Variants in KIF13B observed in about 807,000 individuals in gnomAD.
KIF13B encodes kinesin-like protein KIF13B.
KIF13B carries 127 observed loss-of-function variants against 222.0 expected under a neutral mutation model. The observed-to-expected ratio is 0.57, with a 90% CI of 0.50 to 0.66. The LOEUF is 0.66. Ranked by LOEUF, KIF13B falls within the 30% of genes least tolerant of loss-of-function variation. The pLI, the probability that KIF13B is intolerant of heterozygous loss-of-function variation, is 0.00. For missense variants in KIF13B, 2,173 were observed against 2,379.0 expected, an observed-to-expected ratio of 0.91 and a Z score of 1.80; for synonymous variants, 976 against 919.0, an observed-to-expected ratio of 1.06 and a Z score of -1.12.
At chr8:29,082,829 T>C (rs1187844570) in intron 37 of KIF13B, among the ~76,000 whole-genome samples, 2 of 152,176 alleles carry the variant, frequency 1.3e-5, no homozygotes, top group Non-Finnish European at 2.9e-5. Context: ...CTGAAAACTT[T>C]AAAAATAGGG....
chr8:29,263,060 G>T lies in KIF13B; in HGVS notation c.-26C>A. The T allele has an allele frequency of 2.5e-6, 4 of 1,578,842 alleles. No homozygotes were observed. Among genetic ancestry groups the T allele is most frequent in the East Asian group, 2.4e-5 (1 of 42,200 alleles). On this transcript the variant is annotated 5_prime_UTR_variant, in exon 1 of 40. Transcript: ENST00000524189. Reference sequence around the variant, plus strand: ...CCTGCAGCCGCCGAGGAACTCGTTCGGCTTCCGTCTGCCGCGGCCACCGGC... The same window carrying T: ...CCTGCAGCCGCCGAGGAACTCGTTCTGCTTCCGTCTGCCGCGGCCACCGGC...
rs186792117 is a variant in KIF13B, at chr8:29,095,294, C to T, written c.4325-2416G>A. On this transcript the variant is annotated intron_variant, in intron 36 of 39. Coordinates refer to ENST00000524189, the MANE Select transcript of KIF13B (RefSeq NM_015254.4). ...GGAGGTGACAAATGATGGCTGAATT[C>T]TCAGCAGAAAAGAAGGAGCTGGAGA... Among the ~76,000 whole-genome samples the T allele has an allele frequency of 2.1e-3, 322 of 152,284 alleles. 2 individuals carry two copies. Among genetic ancestry groups the T allele is most frequent in the African/African-American group, 6.7e-3 (277 of 41,558 alleles).
At chr8:29,095,612 C>T (rs1563695253) in intron 36 of KIF13B, among the ~76,000 whole-genome samples, 2 of 151,954 alleles carry the variant, frequency 1.3e-5, no homozygotes, top group African/African-American at 4.8e-5. Context: ...ACTAAAAATA[C>T]AAAAATTGGC....
At chr8:29,098,170 C>CAAAAATAAAAAAAAAA (rs1808622132) in intron 36 of KIF13B, among the ~76,000 whole-genome samples, 1 of 30,318 alleles carries the variant, frequency 3.3e-5, no homozygotes, top group African/African-American at 1.6e-4. Flanking sequence ...GACTCCATCT[C>CAAAAATAAAAAAAAAA]AAAAAAAAAA....
In KIF13B at chr8:29,097,287, A is replaced by C. The variant is rs570501746; in HGVS notation, c.4324+1846T>G. On this transcript the variant is annotated intron_variant, in intron 36 of 39. Coordinates refer to ENST00000524189, the MANE Select transcript of KIF13B (RefSeq NM_015254.4). ...ATAACAATCTTAAATGTGTTATATCAGGAAGATATAACAATCTTAAATAAT... is the reference window on the plus strand; with the variant it reads ...ATAACAATCTTAAATGTGTTATATCCGGAAGATATAACAATCTTAAATAAT... Among the ~76,000 whole-genome samples the C allele has an allele frequency of 8.5e-4, 104 of 122,712 alleles. No individual in the cohort carries two copies. The Middle Eastern group carries it at 0.02, about 23-fold the overall frequency. The allele number at this position is 122,712 out of a possible 152,430, so 80.5% of individuals were successfully genotyped here.
At position 29,150,443 on chromosome 8, in the gene KIF13B, T is replaced by C. The variant is rs1358530534; in HGVS notation, c.1536-60A>G. Reference sequence around the variant, plus strand: ...TACAGTATCATGTCTTCTGCTTTAATTTCCCAATAACATAGAGATATAGTT... The same window carrying C: ...TACAGTATCATGTCTTCTGCTTTAACTTCCCAATAACATAGAGATATAGTT... On this transcript the variant is annotated intron_variant, in intron 14 of 39. Coordinates refer to ENST00000524189, the MANE Select transcript of KIF13B (RefSeq NM_015254.4). The C allele has an allele frequency of 1.1e-5, 9 of 802,504 alleles. No individual in the cohort carries two copies. In the East Asian group the frequency reaches 2.4e-4, roughly 21 times the overall value. The allele number at this position is 802,504 out of a possible 1,614,324, so 49.7% of individuals were successfully genotyped here. A position where few individuals can be genotyped will look rare whatever the true frequency, so the allele number is the denominator to read the frequency against.
At chr8:29,254,236 A>G (rs1816388352) in intron 1 of KIF13B, among the ~76,000 whole-genome samples, 1 of 152,240 alleles carries the variant, frequency 6.6e-6, no homozygotes. Flanking sequence ...TCAAACTCTT[A>G]GAAGAAAACA....
At chr8:29,210,751 A>G (rs762662930) in intron 2 of KIF13B, among the ~76,000 whole-genome samples, 8 of 152,194 alleles carry the variant, frequency 5.3e-5, no homozygotes, top group Non-Finnish European at 8.8e-5. Context: ...CCTCCTGTGA[A>G]TGAGAAATAC....
At chr8:29,217,052 G>A (rs1237334398) in intron 2 of KIF13B, among the ~76,000 whole-genome samples, 4 of 152,008 alleles carry the variant, frequency 2.6e-5, no homozygotes, top group Admixed American at 2.6e-4. Context: ...TGGAAGAACC[G>A]AAAGTAGTAC....
At chr8:29,228,752 T>C (rs1490849181) in intron 2 of KIF13B, among the ~76,000 whole-genome samples, 2 of 152,032 alleles carry the variant, frequency 1.3e-5, no homozygotes, top group Admixed American at 6.6e-5. Context: ...CTAATAAAGA[T>C]GCAGCAGAAC....
chr8:29,246,407 C>T (rs1049210776), intron 1 of KIF13B, among the ~76,000 whole-genome samples: 1 of 147,984 alleles, frequency 6.8e-6, no homozygotes, highest in African/African-American at 2.5e-5. Flanking sequence ...AAGAAAAACA[C>T]AAAATAGGTA....
At chr8:29,123,288 G>A in intron 28 of KIF13B, 78 bp downstream of exon 28, 3 of 1,541,502 alleles carry the variant, frequency 1.9e-6, no homozygotes, top group South Asian at 1.2e-5. Context: ...ATTAACCGTA[G>A]CACACGCAAA....
chr8:29,111,804 T>C (rs1348418955), intron 32 of KIF13B, among the ~76,000 whole-genome samples: 1 of 152,140 alleles, frequency 6.6e-6, no homozygotes, highest in Non-Finnish European at 1.5e-5. Context: ...CTGAAACAAC[T>C]GGAAAATATA....
chr8:29,222,536 T>A, intron 2 of KIF13B, among the ~76,000 whole-genome samples: 1 of 99,722 alleles, frequency 1.0e-5, no homozygotes, highest in Non-Finnish European at 2.2e-5. Flanking sequence ...TTTTTTTTTT[T>A]TTTTTTTTTT....
At chr8:29,088,344 A>G (rs1038178232) in intron 37 of KIF13B, among the ~76,000 whole-genome samples, 2 of 152,172 alleles carry the variant, frequency 1.3e-5, no homozygotes, top group African/African-American at 4.8e-5. Context: ...TCAAGTGCCC[A>G]TGAAGGATTA....
intron 1 of KIF13B, among the ~76,000 whole-genome samples, chr8:29,262,430 T>TG (rs1465927570): frequency 6.6e-6 from 1 of 151,966 alleles, no homozygotes; most frequent in Non-Finnish European, 1.5e-5. Context: ...GACGCCCAGG[T>TG]GGAAGGAACT....
chr8:29,075,271 A>T lies in KIF13B; in HGVS notation c.4521+10T>A. On this transcript the variant is annotated intron_variant, in intron 38 of 39. Coordinates refer to ENST00000524189, the MANE Select transcript of KIF13B (RefSeq NM_015254.4). ...AGGTGGGGTGGCCACCCGTGACCCA[A>T]CAGACTCACCTCCTCCATCCTGGTC... is the stretch of plus-strand genomic sequence containing the variant. The T allele has an allele frequency of 6.4e-7, 1 of 1,553,638 alleles. No individual in the cohort carries two copies. Among genetic ancestry groups the T allele is most frequent in the South Asian group, 1.2e-5 (1 of 84,160 alleles).
Position 29,148,764 on chromosome 8 carries a change from G to A in KIF13B, c.1626C>T (p.Leu542=). 1.3e-6 allele frequency: 2 copies of A among 1,586,012 alleles called. No individual in the cohort carries two copies. The highest frequency in any genetic ancestry group is 1.7e-6 in the Non-Finnish European group (2 of 1,166,846). ...CTTTCTTTTTCTTTTTAGGCAAATT[G>A]AGTCTTGGTGGGAAAAAGAGTATTA... ...ILWGNNHFFR[L]NLPKKKKKAE... The change falls in exon 16 of 40, where the codon CTC becomes CTT. Residue 542 remains leucine, a synonymous_variant. Coordinates refer to ENST00000524189, the MANE Select transcript of KIF13B (RefSeq NM_015254.4).
chr8:29,117,460 C>T (rs1809655950), intron 30 of KIF13B, among the ~76,000 whole-genome samples: 4 of 152,056 alleles, frequency 2.6e-5, no homozygotes, highest in Admixed American at 2.6e-4. Flanking sequence ...TATAAAATCC[C>T]TTATTCAAAT....
Sources: gnomAD v4.1 joint callset for allele counts (sites outside exome capture counted in the v4.1 genomes callset) on GRCh38, gnomAD v4.1.1 for gene constraint, MANE v1.5 for transcripts, NCBI Gene and HGNC (gene_info 2026-07-23, HGNC 2026-07-21) for gene names.